Variants in SLIT3 observed in about 807,000 individuals in gnomAD.
SLIT3 encodes the protein slit guidance ligand 3.
A neutral mutation model predicts 184.0 loss-of-function variants in SLIT3; 68 were observed. The ratio of observed to expected loss-of-function variants is 0.37; its 90% CI spans 0.30 to 0.45. The LOEUF (loss-of-function observed/expected upper bound fraction) is 0.45, where lower values mean the gene tolerates loss of function less well. SLIT3 is among the 20% of genes least tolerant of loss of function. The pLI is 1.00. For missense variants in SLIT3, 1,707 were observed against 2,026.0 expected, an observed-to-expected ratio of 0.84 and a Z score of 3.02; for synonymous variants, 831 against 828.6, an observed-to-expected ratio of 1.00 and a Z score of -0.05.
intron 20 of SLIT3, among the ~76,000 whole-genome samples, chr5:168,735,661 T>TACACACACACACAC (rs150528782): frequency 1.4e-4 from 20 of 142,172 alleles, no homozygotes; most frequent in African/African-American, 3.9e-4. Context: ...GACAGATAGA[T>TACACACACACACAC]ACACACACAC....
At chr5:168,713,603 G>T (rs1432233741) in intron 23 of SLIT3, among the ~76,000 whole-genome samples, 3 of 152,236 alleles carry the variant, frequency 2.0e-5, no homozygotes, top group African/African-American at 7.2e-5. Flanking sequence ...GTAGAACAAA[G>T]AGACGATTAG....
intron 8 of SLIT3, among the ~76,000 whole-genome samples, chr5:168,808,478 G>T (rs559197688): frequency 6.6e-6 from 1 of 152,310 alleles, no homozygotes; most frequent in Non-Finnish European, 1.5e-5. Flanking sequence ...GCATGGTTTT[G>T]TTGTGAAGGC....
intron 7 of SLIT3, among the ~76,000 whole-genome samples, chr5:168,821,146 A>G (rs1196708383): frequency 6.6e-6 from 1 of 152,196 alleles, no homozygotes; most frequent in Non-Finnish European, 1.5e-5. Flanking sequence ...ATGGCAGAGA[A>G]GAATGACAAC....
chr5:168,903,561 G>A (rs1442508554), intron 4 of SLIT3, among the ~76,000 whole-genome samples: 3 of 152,078 alleles, frequency 2.0e-5, no homozygotes, highest in Non-Finnish European at 4.4e-5. Flanking sequence ...CTACCTGCTC[G>A]GGCAAAAAGA....
At chr5:169,294,599 A>G (rs550737522) in intron 1 of SLIT3, among the ~76,000 whole-genome samples, 11 of 152,332 alleles carry the variant, frequency 7.2e-5, no homozygotes, top group Non-Finnish European at 1.2e-4. Flanking sequence ...AGGGCCTGAG[A>G]TGAAGATATA....
intron 7 of SLIT3, 64 bp downstream of exon 7, chr5:168,823,196 G>A: frequency 8.2e-7 from 1 of 1,218,634 alleles, no homozygotes; most frequent in Non-Finnish European, 1.2e-6. Flanking sequence ...AAGCAGCGTA[G>A]AGTGCTGCAC....
intron 27 of SLIT3, among the ~76,000 whole-genome samples, chr5:168,696,653 CTA>C (rs1762074130): frequency 1.3e-5 from 2 of 152,178 alleles, no homozygotes; most frequent in South Asian, 4.1e-4. Flanking sequence ...AGGCAATGTT[CTA>C]TCTCCCCTGG....
intron 6 of SLIT3, 47 bp from the exon 7 acceptor site, chr5:168,823,378 A>G: frequency 7.2e-7 from 1 of 1,396,382 alleles, no homozygotes; most frequent in Non-Finnish European, 1.0e-6. Context: ...GCAGCAGGGG[A>G]GGCACCAAGA....
intron 26 of SLIT3, among the ~76,000 whole-genome samples, chr5:168,702,803 T>C (rs1762255850): frequency 6.6e-6 from 1 of 152,070 alleles, no homozygotes; most frequent in South Asian, 2.1e-4. Context: ...GAGGTGCATA[T>C]ATGAGAGTGG....
intron 6 of SLIT3, among the ~76,000 whole-genome samples, chr5:168,843,909 T>C (rs1758355191): frequency 6.6e-6 from 1 of 152,164 alleles, no homozygotes; most frequent in African/African-American, 2.4e-5. Flanking sequence ...ACACATTCTT[T>C]CTAGACAAGG....
At chr5:169,149,787 T>A (rs2113366022) in intron 4 of SLIT3, among the ~76,000 whole-genome samples, 1 of 152,352 alleles carries the variant, frequency 6.6e-6, no homozygotes, top group South Asian at 2.1e-4. Context: ...ATGGTCAATG[T>A]TAGCTGGTCC....
chr5:169,041,253 T>C (rs936187895), intron 4 of SLIT3, among the ~76,000 whole-genome samples: 2 of 152,192 alleles, frequency 1.3e-5, no homozygotes, highest in Admixed American at 6.5e-5. Context: ...GACAAACATA[T>C]ACCGAGCACA....
chr5:168,753,645 G>GGT (rs766401547), intron 17 of SLIT3, among the ~76,000 whole-genome samples: 25 of 151,884 alleles, frequency 1.6e-4, no homozygotes, highest in South Asian at 4.2e-4. Context: ...GTGTGTGTGT[G>GGT]GTGTGTGTGT....
At chr5:168,722,189 T>C in intron 23 of SLIT3, 67 bp downstream of exon 23, 1 of 1,405,020 alleles carries the variant, frequency 7.1e-7, no homozygotes. Flanking sequence ...GGAAGGGGAG[T>C]GCTTAGTCTG....
chr5:168,759,141 C>T (rs535447771), intron 16 of SLIT3, among the ~76,000 whole-genome samples: 1 of 152,210 alleles, frequency 6.6e-6, no homozygotes, highest in South Asian at 2.1e-4. Context: ...CTCCTGATCC[C>T]ATGCATTTCA....
chr5:168,953,406 T>C (rs1315691511), intron 4 of SLIT3, among the ~76,000 whole-genome samples: 1 of 152,228 alleles, frequency 6.6e-6, no homozygotes, highest in Non-Finnish European at 1.5e-5. Flanking sequence ...TCTTAGCTAC[T>C]ATGATCATCC....
intron 4 of SLIT3, among the ~76,000 whole-genome samples, chr5:168,999,924 A>G (rs899448286): frequency 6.6e-6 from 1 of 152,186 alleles, no homozygotes; most frequent in African/African-American, 2.4e-5. Flanking sequence ...CATGGCTTGG[A>G]GTAGGGAGAT....
chr5:169,242,253 G>A (rs1046311909), intron 3 of SLIT3, among the ~76,000 whole-genome samples: 1 of 152,184 alleles, frequency 6.6e-6, no homozygotes, highest in Non-Finnish European at 1.5e-5. Flanking sequence ...CTATTCAGCT[G>A]TGTATATGAA....
In SLIT3 at chr5:168,666,182, A is replaced by C; in HGVS notation, c.*272T>G. 1 of 295,412 alleles carries C rather than the reference A, an allele frequency of 3.4e-6. No homozygotes were observed. The highest frequency in any genetic ancestry group is 6.1e-6 in the Non-Finnish European group (1 of 163,488). 18.3% of individuals were successfully genotyped at this position (295,412 alleles called of 1,614,324 possible). A position where few individuals can be genotyped will look rare whatever the true frequency, so the allele number is the denominator to read the frequency against. On this transcript the variant is annotated 3_prime_UTR_variant, in exon 36 of 36. Coordinates refer to ENST00000519560, the MANE Select transcript of SLIT3 (RefSeq NM_003062.4). Reference sequence around the variant, plus strand: ...CTATTTTTAAAAACACAACAAATACACAACACAAAACTTGGTAAAAATAAC... The same window carrying C: ...CTATTTTTAAAAACACAACAAATACCCAACACAAAACTTGGTAAAAATAAC...
Sources: allele counts gnomAD v4.1 joint callset (sites outside exome capture counted in the v4.1 genomes callset), GRCh38; gene constraint gnomAD v4.1.1; transcripts MANE v1.5; gene names NCBI Gene and HGNC (gene_info 2026-07-23, HGNC 2026-07-21).